Variants in MYO9B observed in about 807,000 individuals in gnomAD.
The protein encoded by MYO9B is unconventional myosin-IXb.
Under a neutral mutation model 229.5 loss-of-function variants are expected in MYO9B, and 71 were observed. That is an observed-to-expected ratio of 0.31 (90% CI 0.26 to 0.38). The LOEUF is 0.38. Ranked by LOEUF, MYO9B falls within the 10% of genes least tolerant of loss-of-function variation. MYO9B has a pLI of 1.00. For missense variants in MYO9B, 2,255 were observed against 2,920.5 expected (o/e 0.77, Z 5.25); for synonymous variants, 1,185 against 1,235.8 (o/e 0.96, Z 0.86).
intron 15 of MYO9B, among the ~76,000 whole-genome samples, chr19:17,181,298 T>G (rs928916857): frequency 2.0e-5 from 3 of 152,336 alleles, no homozygotes; most frequent in Admixed American, 2.0e-4. Flanking sequence ...AGGCATCTAA[T>G]TTTCCACCCG....
rs1225148736 is a variant in MYO9B, at chr19:17,159,331, C to T, written c.1330-64C>T. 7.6e-6 allele frequency: 11 copies of T among 1,445,258 alleles called. No individual in the cohort carries two copies. In the Admixed American group the frequency reaches 1.4e-4, roughly 18 times the overall value. The allele number at this position is 1,445,258 out of a possible 1,614,324, so 89.5% of individuals were successfully genotyped here. On this transcript the variant is annotated intron_variant, in intron 7 of 39. Transcript: ENST00000682292. ...GCTCCGGGCGTTGCCTCAGTGATAC[C>T]AGGACATGCCTGATAAGTCCTCCAT...
In MYO9B at chr19:17,157,017, C is replaced by T. The variant is rs769377382; in HGVS notation, c.1308C>T (p.Asp436=). 3.1e-6 allele frequency: 5 copies of T among 1,613,490 alleles called. No individual in the cohort carries two copies. In the Admixed American group the frequency reaches 8.3e-5, roughly 27 times the overall value. ...GLEVGPPEVL[D]TLSQLLKVKR... ...AGGTCGGGCCACCCGAGGTGCTGGA[C>T]ACCCTGTCGCAGCTTCTGAAGGTAC... Residue 436 remains aspartate (D), a synonymous_variant, in exon 7 of 40, where the codon GAC becomes GAT. Transcript: ENST00000682292.
At chr19:17,104,141 G>C (rs1277753680) in intron 2 of MYO9B, among the ~76,000 whole-genome samples, 2 of 152,122 alleles carry the variant, frequency 1.3e-5, no homozygotes, top group Non-Finnish European at 2.9e-5. Flanking sequence ...GAAAGAAAAG[G>C]CTGGTGTATT....
chr19:17,174,689 C>T (rs2072764019), intron 13 of MYO9B, among the ~76,000 whole-genome samples: 2 of 151,936 alleles, frequency 1.3e-5, no homozygotes, highest in Non-Finnish European at 2.9e-5. Context: ...AATCCCAACA[C>T]TTCGGGAGAC....
At chr19:17,123,426 G>GTGTGTGTT (rs1228846243) in intron 2 of MYO9B, among the ~76,000 whole-genome samples, 67 of 73,520 alleles carry the variant, frequency 9.1e-4, no homozygotes, top group African/African-American at 3.1e-3. Context: ...GTAGAAATTT[G>GTGTGTGTT]TGTGTGTGTG....
chr19:17,135,488 G>T (rs2072257905), intron 2 of MYO9B, among the ~76,000 whole-genome samples: 1 of 152,074 alleles, frequency 6.6e-6, no homozygotes, highest in South Asian at 2.1e-4. Context: ...TGTGCTTTGA[G>T]ACCGTGCGAG....
chr19:17,157,107 GACCAT>G (rs2072545711), intron 7 of MYO9B, 69 bp downstream of exon 7: 3 of 1,539,640 alleles, frequency 1.9e-6, no homozygotes, highest in Non-Finnish European at 2.6e-6. Flanking sequence ...CAGTACGAGG[GACCAT>G]ACCCAGAACT....
intron 14 of MYO9B, among the ~76,000 whole-genome samples, chr19:17,176,290 C>T (rs1180110304): frequency 6.6e-6 from 1 of 152,130 alleles, no homozygotes; most frequent in African/African-American, 2.4e-5. Context: ...CCCGCCTCAG[C>T]CTCCCAAAGT....
chr19:17,094,573 A>G (rs1164587308), intron 1 of MYO9B, among the ~76,000 whole-genome samples: 1 of 152,238 alleles, frequency 6.6e-6, no homozygotes, highest in Non-Finnish European at 1.5e-5. Flanking sequence ...TGTTATATAC[A>G]TGGAATCATA....
At chr19:17,087,477 A>G (rs10412843) in intron 1 of MYO9B, among the ~76,000 whole-genome samples, 86,877 of 152,028 alleles carry the variant, frequency 0.57, 25,559 homozygotes, top group South Asian at 0.7. Flanking sequence ...ATATTCGGCT[A>G]AGGCAGAAAA....
chr19:17,117,445 T>C (rs1198852538), intron 2 of MYO9B, among the ~76,000 whole-genome samples: 1 of 152,162 alleles, frequency 6.6e-6, no homozygotes, highest in Non-Finnish European at 1.5e-5. Context: ...GCTTGGCATC[T>C]TCTGCCCAGC....
At chr19:17,111,164 TG>T (rs554063971) in intron 2 of MYO9B, among the ~76,000 whole-genome samples, 77 of 152,218 alleles carry the variant, frequency 5.1e-4, no homozygotes, top group African/African-American at 1.7e-3. Flanking sequence ...CACCCAGCAT[TG>T]GGGGCGTCAT....
At chr19:17,143,272 A>C (rs1202482854) in intron 2 of MYO9B, among the ~76,000 whole-genome samples, 4 of 151,942 alleles carry the variant, frequency 2.6e-5, no homozygotes, top group Admixed American at 2.6e-4. Context: ...CACCACACAC[A>C]ACCTCAGACA....
chr19:17,192,980 T>C lies in MYO9B; in HGVS notation c.3046T>C (p.Trp1016Arg). The change falls in exon 21 of 40, where the codon TGG becomes CGG. Residue 1016 changes from tryptophan to arginine, a missense_variant. By Grantham distance (101) the Trp-to-Arg change is moderately radical. Transcript: ENST00000682292. ...VYLQASWRGY[W>R]QRKLYRHQKQ... ...CCTCCAGGCCTCATGGAGGGGCTAC[T>C]GGCAGCGGAAGCTCTACCGGCACCA... The C allele has an allele frequency of 1.3e-6, 2 of 1,523,554 alleles. No homozygotes were observed. The highest frequency in any genetic ancestry group is 1.4e-5 in the African/African-American group (1 of 72,822). The allele number at this position is 1,523,554 out of a possible 1,614,324, so 94.4% of individuals were successfully genotyped here. A position where few individuals can be genotyped will look rare whatever the true frequency, so the allele number is the denominator to read the frequency against.
Position 17,144,993 on chromosome 19 carries a change from A to G in MYO9B, c.841-404A>G, listed in dbSNP as rs137935001. 2.6e-3 allele frequency among the ~76,000 whole-genome samples: 396 copies of G among 150,386 alleles called. 13 individuals carry two copies. The East Asian group carries it at 0.064, about 24-fold the overall frequency. ...TCAAAAAAAAAAAAAAAAAAAAAAG[A>G]AAAAGAAAAAATAGAGACTGGGCAC... On this transcript the variant is annotated intron_variant, in intron 2 of 39. Coordinates refer to ENST00000682292, the MANE Select transcript of MYO9B (RefSeq NM_004145.4).
intron 2 of MYO9B, among the ~76,000 whole-genome samples, chr19:17,138,499 G>A (rs1006183006): frequency 2.0e-5 from 3 of 152,058 alleles, no homozygotes; most frequent in Admixed American, 1.3e-4. Context: ...GGCTGGTCTT[G>A]AACTCCTGGC....
chr19:17,168,974 G>A (rs1167682431), intron 11 of MYO9B, among the ~76,000 whole-genome samples: 3 of 152,104 alleles, frequency 2.0e-5, no homozygotes, highest in African/African-American at 4.8e-5. Flanking sequence ...CTGAAATCAC[G>A]TGACACATAC....
intron 19 of MYO9B, among the ~76,000 whole-genome samples, chr19:17,188,453 A>AGAG (rs2072944551): frequency 6.9e-6 from 1 of 143,908 alleles, no homozygotes; most frequent in Non-Finnish European, 1.5e-5. Context: ...AAAAAAAAGA[A>AGAG]GAAACCCCTG....
chr19:17,086,083 G>T (rs990972540), intron 1 of MYO9B, among the ~76,000 whole-genome samples: 6 of 152,100 alleles, frequency 3.9e-5, no homozygotes, highest in African/African-American at 1.4e-4. Context: ...TTCCACCAAG[G>T]CCCCCCAGAG....
Sources: gnomAD v4.1 joint callset for allele counts (sites outside exome capture counted in the v4.1 genomes callset) on GRCh38, gnomAD v4.1.1 for gene constraint, MANE v1.5 for transcripts, NCBI Gene and HGNC (gene_info 2026-07-23, HGNC 2026-07-21) for gene names.